CDH13: variants seen among roughly 807,000 people sequenced by gnomAD.
CDH13 encodes the protein cadherin 13.
In CDH13, 24 loss-of-function variants were observed where a neutral mutation model predicts 63.8. The observed-to-expected ratio is 0.38, with a 90% CI of 0.27 to 0.53. The LOEUF (loss-of-function observed/expected upper bound fraction) is 0.53. Among genes scored for constraint, CDH13 ranks in the 20% least tolerant of loss-of-function variants. CDH13 has a pLI of 0.85. For missense variants in CDH13, 1,049 were observed against 903.1 expected (o/e 1.16, Z -2.07); for synonymous variants, 503 against 355.3 (o/e 1.42, Z -4.67).
chr16:83,200,921 A>ATGTGTGTGTGTGTGTGTGTGTG (rs374017580), intron 4 of CDH13, among the ~76,000 whole-genome samples: 2 of 129,672 alleles, frequency 1.5e-5, no homozygotes, highest in African/African-American at 2.8e-5. Context: ...AGTCTTAAAA[A>ATGTGTGTGTGTGTGTGTGTGTG]TGTGTGTGTG....
chr16:83,064,961 G>C (rs1017514555), intron 3 of CDH13, among the ~76,000 whole-genome samples: 2 of 151,908 alleles, frequency 1.3e-5, no homozygotes, highest in African/African-American at 4.8e-5. Flanking sequence ...TCTTTCTCTT[G>C]TCTATCTGAA....
intron 4 of CDH13, among the ~76,000 whole-genome samples, chr16:83,165,397 C>T (rs956969776): frequency 6.6e-6 from 1 of 152,134 alleles, no homozygotes; most frequent in Non-Finnish European, 1.5e-5. Flanking sequence ...GTGCTTAACT[C>T]TTCCTTTCTA....
chr16:83,462,019 CTTCG>C (rs1487049082), intron 6 of CDH13, among the ~76,000 whole-genome samples: 2 of 152,230 alleles, frequency 1.3e-5, no homozygotes, highest in African/African-American at 4.8e-5. Flanking sequence ...ATCCCTTCCA[CTTCG>C]TGGCTCTCAT....
chr16:83,728,519 A>C (rs1298426130), intron 10 of CDH13, among the ~76,000 whole-genome samples: 3 of 152,094 alleles, frequency 2.0e-5, no homozygotes, highest in Non-Finnish European at 2.9e-5. Flanking sequence ...TTGGAAGAGG[A>C]ATTCAAAATG....
intron 2 of CDH13, among the ~76,000 whole-genome samples, chr16:82,883,308 C>G (rs1272463298): frequency 1.3e-5 from 2 of 152,254 alleles, no homozygotes; most frequent in African/African-American, 2.4e-5. Flanking sequence ...ACCATCATCC[C>G]CACCATCACA....
intron 2 of CDH13, among the ~76,000 whole-genome samples, chr16:82,903,375 C>T (rs563439152): frequency 5.9e-5 from 9 of 152,286 alleles, no homozygotes; most frequent in Admixed American, 5.2e-4. Context: ...GTGTTTGACC[C>T]TGTGAAGAGC....
At chr16:82,728,045 T>C (rs998045038) in intron 1 of CDH13, among the ~76,000 whole-genome samples, 1 of 152,206 alleles carries the variant, frequency 6.6e-6, no homozygotes, top group African/African-American at 2.4e-5. Flanking sequence ...CTATTACTTA[T>C]TATGTCTGCT....
intron 3 of CDH13, among the ~76,000 whole-genome samples, chr16:83,043,490 AGTGTGTGTGTGTGT>A (rs67312035): frequency 1.1e-4 from 15 of 132,228 alleles, no homozygotes; most frequent in Admixed American, 6.7e-4. Flanking sequence ...TGTATATATG[AGTGTGTGTGTGTGT>A]GTGTGTGTGT....
At chr16:83,667,927 A>AGCTAGGAGG (rs546725983) in intron 8 of CDH13, among the ~76,000 whole-genome samples, 197 of 152,182 alleles carry the variant, frequency 1.3e-3, no homozygotes, top group African/African-American at 4.6e-3. Context: ...CCTCCCAAAG[A>AGCTAGGAGG]GCTAGGATTA....
intron 5 of CDH13, among the ~76,000 whole-genome samples, chr16:83,312,124 A>C (rs918471901): frequency 6.7e-6 from 1 of 148,304 alleles, no homozygotes; most frequent in Non-Finnish European, 1.5e-5. Flanking sequence ...TTTTTTGTCT[A>C]TTGGTTGTAT....
intron 6 of CDH13, among the ~76,000 whole-genome samples, chr16:83,470,775 G>A (rs183365108): frequency 1.1e-4 from 16 of 152,104 alleles, no homozygotes; most frequent in South Asian, 2.1e-4. Flanking sequence ...AATAGACACC[G>A]CTAGTATGAG....
intron 5 of CDH13, among the ~76,000 whole-genome samples, chr16:83,287,705 A>G (rs1350251617): frequency 1.3e-5 from 2 of 152,166 alleles, no homozygotes; most frequent in Non-Finnish European, 2.9e-5. Context: ...TGTAATAATA[A>G]TAGAAATAAA....
At chr16:83,132,561 C>G (rs1385821119) in intron 4 of CDH13, among the ~76,000 whole-genome samples, 1 of 150,976 alleles carries the variant, frequency 6.6e-6, no homozygotes, top group African/African-American at 2.4e-5. Context: ...AATTCTCCTG[C>G]TCAGCCTCCC....
At chr16:83,733,702 A>T (rs1398164572) in intron 10 of CDH13, among the ~76,000 whole-genome samples, 1 of 152,176 alleles carries the variant, frequency 6.6e-6, no homozygotes, top group East Asian at 1.9e-4. Context: ...ATCACCCAAT[A>T]AAAATAAACT....
chr16:82,647,398 G>C (rs1188653758), intron 1 of CDH13, among the ~76,000 whole-genome samples: 2 of 152,206 alleles, frequency 1.3e-5, no homozygotes, highest in African/African-American at 4.8e-5. Flanking sequence ...GAGGATTTGA[G>C]TGCAATAAAT....
At chr16:82,794,183 C>CT (rs113788844) in intron 1 of CDH13, among the ~76,000 whole-genome samples, 8,757 of 143,122 alleles carry the variant, frequency 0.061, 878 homozygotes, top group African/African-American at 0.21. Context: ...CTTTTCTTTT[C>CT]TTTTTTTTTT....
At chr16:83,615,921 C>T (rs1199291876) in intron 8 of CDH13, among the ~76,000 whole-genome samples, 1 of 152,162 alleles carries the variant, frequency 6.6e-6, no homozygotes, top group Non-Finnish European at 1.5e-5. Flanking sequence ...GAGTTCATCA[C>T]TTTTTTCTCC....
At chr16:82,860,187 G>C (rs376878646) in intron 2 of CDH13, among the ~76,000 whole-genome samples, 1 of 151,984 alleles carries the variant, frequency 6.6e-6, no homozygotes. Flanking sequence ...TTGGAAATGC[G>C]AAGCGACCCT....
At chr16:82,642,540 T>A (rs1326060344) in intron 1 of CDH13, among the ~76,000 whole-genome samples, 2 of 152,230 alleles carry the variant, frequency 1.3e-5, no homozygotes, top group Non-Finnish European at 2.9e-5. Context: ...TAAATGTGCA[T>A]ATGATGAGAC....
Sources: allele counts gnomAD v4.1 joint callset (sites outside exome capture counted in the v4.1 genomes callset), GRCh38; gene constraint gnomAD v4.1.1; transcripts MANE v1.5; gene names NCBI Gene and HGNC (gene_info 2026-07-23, HGNC 2026-07-21).